ARSG: variants seen among roughly 807,000 people sequenced by gnomAD.
The protein encoded by ARSG is arylsulfatase G, also known as ASG.
A neutral mutation model predicts 50.5 loss-of-function variants in ARSG; 37 were observed. The observed-to-expected ratio is 0.73, with a 90% CI of 0.56 to 0.96. ARSG has a LOEUF of 0.96. Among genes scored for constraint, ARSG ranks in the 50% least tolerant of loss-of-function variants. The pLI, the probability that ARSG is intolerant of heterozygous loss-of-function variation, is 0.00. For synonymous variants in ARSG, 225 were observed against 254.6 expected (o/e 0.88, Z 1.11); for missense variants, 629 against 675.3 (o/e 0.93, Z 0.76).
chr17:68,325,710 C>A (rs1555772170), intron 2 of ARSG, among the ~76,000 whole-genome samples: 1 of 152,162 alleles, frequency 6.6e-6, no homozygotes, highest in Non-Finnish European at 1.5e-5. Context: ...AGCCAGTTGG[C>A]CCATTCTTTC....
At chr17:68,398,397 G>A (rs544719883) in intron 10 of ARSG, among the ~76,000 whole-genome samples, 102 of 152,204 alleles carry the variant, frequency 6.7e-4, no homozygotes, top group African/African-American at 2.3e-3. Context: ...GTATACATAC[G>A]TGTATATATA....
chr17:68,272,291 G>A (rs1370156565), intron 1 of ARSG, among the ~76,000 whole-genome samples: 2 of 152,152 alleles, frequency 1.3e-5, no homozygotes, highest in African/African-American at 4.8e-5. Context: ...GTGTTTATTA[G>A]CATAATCTAA....
chr17:68,352,147 GAGAGAGAGAGAGAGAC>G (rs2078817766), intron 5 of ARSG, among the ~76,000 whole-genome samples: 1 of 130,400 alleles, frequency 7.7e-6, no homozygotes, highest in African/African-American at 2.9e-5. Context: ...ACAGAGGAGA[GAGAGAGAGAGAGAGAC>G]AGAGAGAGAG....
Position 68,385,181 on chromosome 17 carries a change from C to A in ARSG, c.1091+9C>A, listed in dbSNP as rs1341662623. On this transcript the variant is annotated intron_variant, in intron 9 of 11. Transcript: ENST00000621439. ...AGCACTGCCTTGTTAAGGTATGAGACCAAAACTACCTTGAGATGTTGGGGC... is the reference window on the plus strand; with the variant it reads ...AGCACTGCCTTGTTAAGGTATGAGAACAAAACTACCTTGAGATGTTGGGGC... 2 of 1,609,978 alleles carry A rather than the reference C, an allele frequency of 1.2e-6. No homozygotes were observed. The highest frequency in any genetic ancestry group is 2.7e-5 in the African/African-American group (2 of 74,722).
In ARSG at chr17:68,368,578, G is replaced by A. The variant is rs375655648; in HGVS notation, c.735G>A (p.Val245=). 2.7e-5 allele frequency: 44 copies of A among 1,613,958 alleles called. No individual in the cohort carries two copies. Among genetic ancestry groups the A allele is most frequent in the Non-Finnish European group, 3.2e-5 (38 of 1,180,006 alleles). The change falls in exon 7 of 12, where the codon GTG becomes GTA. Residue 245 remains valine, a synonymous_variant. Coordinates refer to ENST00000621439, the MANE Select transcript of ARSG (RefSeq NM_001267727.2). ...STSGRPFLLY[V]ALAHMHVPLP... ...GCGGGAGGCCCTTCCTGCTCTATGT[G>A]GCTCTGGCCCACATGCACGTGCCCT...
intron 6 of ARSG, among the ~76,000 whole-genome samples, chr17:68,360,200 G>C (rs923480594): frequency 6.6e-6 from 1 of 152,166 alleles, no homozygotes; most frequent in Admixed American, 6.5e-5. Flanking sequence ...TCATTAGCTG[G>C]TTATTAAGTG....
intron 1 of ARSG, chr17:68,268,827 A>G (rs545123784): frequency 8.5e-6 from 4 of 472,242 alleles, no homozygotes; most frequent in African/African-American, 7.8e-5. Context: ...TATCTCTTGT[A>G]TTGCTACTGA....
chr17:68,354,293 T>C (rs1172983209), intron 5 of ARSG, among the ~76,000 whole-genome samples: 1 of 150,880 alleles, frequency 6.6e-6, no homozygotes, highest in African/African-American at 2.4e-5. Context: ...TGGTGGCCCA[T>C]GCCTGTAGTC....
chr17:68,272,220 A>G (rs1489338623), intron 1 of ARSG, among the ~76,000 whole-genome samples: 1 of 152,126 alleles, frequency 6.6e-6, no homozygotes, highest in African/African-American at 2.4e-5. Context: ...TTACAGGTGT[A>G]AGCCACCGTG....
At chr17:68,364,377 G>A (rs761721120) in intron 6 of ARSG, among the ~76,000 whole-genome samples, 25 of 151,990 alleles carry the variant, frequency 1.6e-4, no homozygotes, top group Non-Finnish European at 3.1e-4. Flanking sequence ...TTGTTGTTTT[G>A]TTTTTTGTTT....
chr17:68,383,922 C>T (rs184145969), intron 8 of ARSG, among the ~76,000 whole-genome samples: 1 of 152,288 alleles, frequency 6.6e-6, no homozygotes, highest in East Asian at 1.9e-4. Context: ...TTTCTTACTT[C>T]AAAACTTGAG....
Position 68,271,741 on chromosome 17 carries a change from TC to T in ARSG, c.-552+12317del. ...AGAAGCCATCAAGAAGAAATATGGA[TC>T]CAGATTTTGTTATAAGTTCTGTGGA... is the stretch of plus-strand genomic sequence containing the variant. On this transcript the variant is annotated intron_variant, in intron 1 of 11. Coordinates refer to the ARSG transcript ENST00000448504. The surrounding 1 kb of genome is among the most constrained non-coding windows in gnomAD (Gnocchi z 5.3). 9.9e-7 allele frequency: 1 copy of T among 1,013,232 alleles called. No individual in the cohort carries two copies. Among genetic ancestry groups the T allele is most frequent in the Non-Finnish European group, 1.4e-6 (1 of 691,540 alleles). 62.8% of individuals were successfully genotyped at this position (1,013,232 alleles called of 1,614,324 possible).
At chr17:68,268,919 AAC>A (rs1599482245) in intron 1 of ARSG, 13 of 1,420,274 alleles carry the variant, frequency 9.2e-6, no homozygotes, top group African/African-American at 1.7e-5. Context: ...AAAAGCTTAA[AAC>A]AAAACAAAAC....
intron 2 of ARSG, among the ~76,000 whole-genome samples, chr17:68,342,193 CTCTTTT>C (rs1404354646): frequency 6.6e-6 from 1 of 152,054 alleles, no homozygotes; most frequent in Admixed American, 6.5e-5. Context: ...GGAATACTGA[CTCTTTT>C]GCTCCCAGGG....
chr17:68,427,313 C>G (rs568307307), downstream of ARSG: 143 of 1,287,014 alleles, frequency 1.1e-4, no homozygotes, highest in African/African-American at 1.3e-3. Context: ...ATCTAGGACA[C>G]CTTCCAAAGG....
chr17:68,370,411 C>T (rs2146737706), intron 7 of ARSG, 33 bp from the exon 8 acceptor site: 4 of 1,608,656 alleles, frequency 2.5e-6, no homozygotes, highest in Non-Finnish European at 3.4e-6. Context: ...TCCAACCAGC[C>T]TGGTGACCAT....
At chr17:68,430,244 G>C in the ARSG span, 4 of 1,384,964 alleles carry the variant, frequency 2.9e-6, no homozygotes, top group Non-Finnish European at 3.9e-6. Context: ...AGCGTCATTA[G>C]CCACACTCCC....
rs566177898 is a variant in ARSG at position 68,404,262 on chromosome 17, G to T, written c.1303+2812G>T. Among the ~76,000 whole-genome samples the T allele has an allele frequency of 2.2e-4, 33 of 152,138 alleles. No homozygotes were observed. The South Asian group carries it at 6.8e-3, about 31-fold the overall frequency. ...CTGGGTCAAATGGTATTTCTAGTTC[G>T]AGATCCTTGAGGAATCGCCACACTG... On this transcript the variant is annotated intron_variant, in intron 11 of 11. Coordinates refer to ENST00000621439, the MANE Select transcript of ARSG (RefSeq NM_001267727.2).
chr17:68,300,661 T>C (rs933945208), intron 1 of ARSG, among the ~76,000 whole-genome samples: 1 of 152,160 alleles, frequency 6.6e-6, no homozygotes, highest in Admixed American at 6.5e-5. Context: ...TTTAGATGCA[T>C]GGCGTGATGC....
Sources: allele counts gnomAD v4.1 joint callset (sites outside exome capture counted in the v4.1 genomes callset), GRCh38; gene constraint gnomAD v4.1.1; non-coding constraint Gnocchi (gnomAD v3.1); transcripts MANE v1.5; gene names NCBI Gene and HGNC (gene_info 2026-07-23, HGNC 2026-07-21).